XKR4: variants seen among roughly 807,000 people sequenced by gnomAD.
XKR4 encodes the protein XK-related protein 4.
A neutral mutation model predicts 53.9 loss-of-function variants in XKR4; 12 were observed. The ratio of observed to expected loss-of-function variants is 0.22; its 90% confidence interval spans 0.14 to 0.36. The LOEUF (loss-of-function observed/expected upper bound fraction) is 0.36. Among genes scored for constraint, XKR4 ranks in the 10% least tolerant of loss-of-function variants. The pLI, the probability that XKR4 is intolerant of heterozygous loss-of-function variation, is 1.00. For synonymous variants in XKR4, 354 were observed against 362.4 expected, an observed-to-expected ratio of 0.98 and a Z score of 0.26; for missense variants, 799 against 859.5, an observed-to-expected ratio of 0.93 and a Z score of 0.88.
chr8:55,141,747 T>A (rs999408294), intron 1 of XKR4, among the ~76,000 whole-genome samples: 2 of 151,340 alleles, frequency 1.3e-5, no homozygotes, highest in Non-Finnish European at 2.9e-5. Flanking sequence ...TAAGTAATAG[T>A]CCCTAAAACA....
chr8:55,450,227 C>T (rs530266424), intron 2 of XKR4: 6 of 634,418 alleles, frequency 9.5e-6, no homozygotes, highest in Non-Finnish European at 1.7e-5. Flanking sequence ...CTCTGGGGAG[C>T]GCCTCCGTCA....
At chr8:55,487,617 T>C (rs11781784) in intron 2 of XKR4, among the ~76,000 whole-genome samples, 52,245 of 151,796 alleles carry the variant, frequency 0.34, 10,881 homozygotes, top group African/African-American at 0.6. Context: ...CAGGTATGCA[T>C]CACCATGCCC....
intron 1 of XKR4, among the ~76,000 whole-genome samples, chr8:55,318,295 G>T (rs1226297874): frequency 6.6e-6 from 1 of 152,210 alleles, no homozygotes; most frequent in Non-Finnish European, 1.5e-5. Flanking sequence ...GTCAAAAGTA[G>T]CATTATAAAT....
At chr8:55,112,168 C>T (rs2129351055) in intron 1 of XKR4, among the ~76,000 whole-genome samples, 1 of 152,318 alleles carries the variant, frequency 6.6e-6, no homozygotes, top group African/African-American at 2.4e-5. Flanking sequence ...GTATGTCAAA[C>T]TATTTTCTCA....
chr8:55,452,436 G>A (rs1805465636), intron 2 of XKR4: 8 of 622,380 alleles, frequency 1.3e-5, no homozygotes, highest in South Asian at 3.5e-5. Flanking sequence ...TGGCCACCCC[G>A]CACTGCCCGC....
At chr8:55,293,228 G>A (rs1387117528) in intron 1 of XKR4, among the ~76,000 whole-genome samples, 1 of 152,080 alleles carries the variant, frequency 6.6e-6, no homozygotes, top group Non-Finnish European at 1.5e-5. Flanking sequence ...CCAGCTACTT[G>A]GGAGGCTGAG....
At chr8:55,234,976 C>T (rs1818099169) in intron 1 of XKR4, among the ~76,000 whole-genome samples, 1 of 152,162 alleles carries the variant, frequency 6.6e-6, no homozygotes, top group Non-Finnish European at 1.5e-5. Flanking sequence ...CCTGTGGCCG[C>T]CATAACAAAT....
intron 1 of XKR4, among the ~76,000 whole-genome samples, chr8:55,238,145 TC>T (rs1818160114): frequency 6.6e-6 from 1 of 150,686 alleles, no homozygotes; most frequent in Non-Finnish European, 1.5e-5. Flanking sequence ...TAGACATTTA[TC>T]TCTCTCTCTC....
At position 55,311,829 on chromosome 8, in the gene XKR4, CAAAAAAA is replaced by C. The variant is rs57826022; in HGVS notation, c.807-45833_807-45827del. ...AACTGAAACTGTCTCTGTAATTTAG[CAAAAAAA>C]AAAAAAAAAAAAAAAGAAAAGAAAA... is the stretch of plus-strand genomic sequence containing the variant. On this transcript the variant is annotated intron_variant, in intron 1 of 2. Coordinates refer to ENST00000327381, the MANE Select transcript of XKR4 (RefSeq NM_052898.2). 2.6e-3 allele frequency among the ~76,000 whole-genome samples: 254 copies of C among 98,564 alleles called. 1 individual carries two copies. Among genetic ancestry groups the C allele is most frequent in the South Asian group, 0.017 (50 of 3,006 alleles). 64.7% of individuals were successfully genotyped at this position (98,564 alleles called of 152,430 possible). A position where few individuals can be genotyped will look rare whatever the true frequency, so the allele number is the denominator to read the frequency against.
chr8:55,144,337 T>C (rs1816742786), intron 1 of XKR4, among the ~76,000 whole-genome samples: 1 of 152,070 alleles, frequency 6.6e-6, no homozygotes, highest in Admixed American at 6.5e-5. Flanking sequence ...CATTTCCTGA[T>C]TTGACAAAGT....
In XKR4 at chr8:55,457,146, C is replaced by CTTTTCTTTTTTTTTTTTTT. The variant is rs533607534; in HGVS notation, c.1007-66131_1007-66130insCTTTTTTTTTTTTTTTTTT. Among the ~76,000 whole-genome samples, 6 of 137,238 alleles carry CTTTTCTTTTTTTTTTTTTT rather than the reference C, an allele frequency of 4.4e-5. 2 individuals are homozygous for CTTTTCTTTTTTTTTTTTTT. Among genetic ancestry groups the CTTTTCTTTTTTTTTTTTTT allele is most frequent in the East Asian group, 4.3e-4 (2 of 4,682 alleles). The allele number at this position is 137,238 out of a possible 152,430, so 90.0% of individuals were successfully genotyped here. A position where few individuals can be genotyped will look rare whatever the true frequency, so the allele number is the denominator to read the frequency against. On this transcript the variant is annotated intron_variant, in intron 2 of 2. Coordinates refer to ENST00000327381, the MANE Select transcript of XKR4 (RefSeq NM_052898.2). The stretch of plus-strand genomic sequence containing the variant: ...CAAGTGCTGAATTTTTTTTCCTTTT[C>CTTTTCTTTTTTTTTTTTTT]TTTTTTTTTTTTTTGAGACTGAGTC...
chr8:55,509,367 T>G (rs1233613642), intron 2 of XKR4, among the ~76,000 whole-genome samples: 1 of 152,232 alleles, frequency 6.6e-6, no homozygotes, highest in African/African-American at 2.4e-5. Context: ...CTGTACTTCC[T>G]TTTTCATTTC....
At chr8:55,231,337 A>G (rs2129366917) in intron 1 of XKR4, among the ~76,000 whole-genome samples, 1 of 152,356 alleles carries the variant, frequency 6.6e-6, no homozygotes, top group African/African-American at 2.4e-5. Flanking sequence ...GAAAATACTC[A>G]TTTCATACAT....
Position 55,253,731 on chromosome 8 carries a change from C to CTT in XKR4, c.807-103928_807-103927dup, listed in dbSNP as rs67608017. On this transcript the variant is annotated intron_variant, in intron 1 of 2. Coordinates refer to ENST00000327381, the MANE Select transcript of XKR4 (RefSeq NM_052898.2). ...CACAGATTATTTCATATTTTCTTTTCTTTTTTTTTTTTTTTTTTTTGAGAC... is the reference window on the plus strand; with the variant it reads ...CACAGATTATTTCATATTTTCTTTTCTTTTTTTTTTTTTTTTTTTTTTGAGAC... 7.8e-3 allele frequency among the ~76,000 whole-genome samples: 882 copies of CTT among 113,712 alleles called. 13 individuals are homozygous for CTT. Among genetic ancestry groups the CTT allele is most frequent in the African/African-American group, 0.026 (814 of 31,346 alleles). 74.6% of individuals were successfully genotyped at this position (113,712 alleles called of 152,430 possible).
At chr8:55,200,071 TTTTTC>T (rs1165837467) in intron 1 of XKR4, among the ~76,000 whole-genome samples, 1 of 152,168 alleles carries the variant, frequency 6.6e-6, no homozygotes, top group African/African-American at 2.4e-5. Flanking sequence ...TCTGTATCCT[TTTTTC>T]TTTTTTGAGA....
chr8:55,353,712 G>A (rs1316194888), intron 1 of XKR4, among the ~76,000 whole-genome samples: 1 of 152,240 alleles, frequency 6.6e-6, no homozygotes, highest in African/African-American at 2.4e-5. Flanking sequence ...GGCAGTCAGA[G>A]AATCAGGAAA....
intron 1 of XKR4, among the ~76,000 whole-genome samples, chr8:55,222,211 T>C (rs1484103404): frequency 6.6e-6 from 1 of 152,236 alleles, no homozygotes; most frequent in Non-Finnish European, 1.5e-5. Flanking sequence ...ATTTAAACCA[T>C]GACCCAGGGA....
At position 55,530,740 on chromosome 8, in the gene XKR4, T is replaced by C. The variant is rs986019267; in HGVS notation, c.*6513T>C. ...TATATAAAATTAGAAGTCACTGATT[T>C]TTATAGGAAATAGCATGTAAAATAA... On this transcript the variant is annotated 3_prime_UTR_variant, in exon 3 of 3. Transcript: ENST00000327381. The C allele has an allele frequency of 6.6e-6, 1 of 152,246 alleles. No individual in the cohort carries two copies. The highest frequency in any genetic ancestry group is 1.5e-5 in the Non-Finnish European group (1 of 68,040). The allele number at this position is 152,246 out of a possible 1,614,324, so 9.4% of individuals were successfully genotyped here.
intron 1 of XKR4, among the ~76,000 whole-genome samples, chr8:55,158,668 T>G (rs1816940992): frequency 6.6e-6 from 1 of 152,256 alleles, no homozygotes; most frequent in Non-Finnish European, 1.5e-5. Flanking sequence ...CTTGAGGTGA[T>G]TTTTGTATAT....
Sources: gnomAD v4.1 joint callset for allele counts (sites outside exome capture counted in the v4.1 genomes callset) on GRCh38, gnomAD v4.1.1 for gene constraint, MANE v1.5 for transcripts, NCBI Gene and HGNC (gene_info 2026-07-23, HGNC 2026-07-21) for gene names.